The following WDR47 variants were observed in gnomAD, a reference collection of about 807,000 sequenced individuals.
The protein encoded by WDR47 is WD repeat domain 47.
WDR47 carries 32 observed loss-of-function variants against 97.2 expected under a neutral mutation model. The observed-to-expected ratio is 0.33, with a 90% CI of 0.25 to 0.44. The LOEUF (loss-of-function observed/expected upper bound fraction) is 0.44. WDR47 is among the 20% of genes least tolerant of loss of function. The probability of loss-of-function intolerance (pLI) is 1.00; values close to 1 mark genes in which losing one functional copy is unlikely to be tolerated. For missense variants in WDR47, 782 were observed against 1,102.3 expected (o/e 0.71, Z 4.11); for synonymous variants, 375 against 373.5 (o/e 1.00, Z -0.05).
At chr1:108,998,496 C>T (rs572327007) in intron 7 of WDR47, among the ~76,000 whole-genome samples, 2 of 151,308 alleles carry the variant, frequency 1.3e-5, no homozygotes, top group Admixed American at 6.6e-5. Context: ...AGCAAGACTC[C>T]GCCTCAAAAA....
intron 1 of WDR47, among the ~76,000 whole-genome samples, chr1:109,028,371 T>TTTTTG (rs1662370158): frequency 7.4e-6 from 1 of 135,456 alleles, no homozygotes; most frequent in Non-Finnish European, 1.6e-5. Flanking sequence ...GGTTTTTTTT[T>TTTTTG]TTTTTTTTTT....
chr1:109,011,452 T>A lies in WDR47; in HGVS notation c.594A>T (p.Val198=). The change falls in exon 5 of 15, where the codon GTA becomes GTT. Residue 198 remains valine (V), a synonymous_variant. Transcript: ENST00000369962. ...KASNNRLFQL[V]MKGLLYECCV... ...AGCATTCATAAAGCAGGCCTTTCATTACAAGCTGAAATAAACGATTGTTAC... is the reference window on the plus strand; with the variant it reads ...AGCATTCATAAAGCAGGCCTTTCATAACAAGCTGAAATAAACGATTGTTAC... 3 of 1,614,208 alleles carry A rather than the reference T, an allele frequency of 1.9e-6. No homozygotes were observed. Among genetic ancestry groups the A allele is most frequent in the Non-Finnish European group, 2.5e-6 (3 of 1,180,040 alleles).
chr1:108,994,647 A>T (rs1220348270), intron 8 of WDR47, among the ~76,000 whole-genome samples: 2 of 152,138 alleles, frequency 1.3e-5, no homozygotes, highest in Non-Finnish European at 2.9e-5. Context: ...CCAATAAGAA[A>T]TAAAACCATG....
intron 6 of WDR47, among the ~76,000 whole-genome samples, chr1:109,002,832 A>G (rs902791429): frequency 6.6e-6 from 1 of 152,212 alleles, no homozygotes; most frequent in Non-Finnish European, 1.5e-5. Flanking sequence ...ACTAAAAAAC[A>G]ATAGATGTTG....
At chr1:109,038,994 T>TA (rs775414189) in intron 1 of WDR47, among the ~76,000 whole-genome samples, 2 of 139,584 alleles carry the variant, frequency 1.4e-5, no homozygotes, top group East Asian at 1.9e-4. Context: ...ATAACAATAA[T>TA]AATAAATAAA....
chr1:109,009,228 A>C (rs1660858547), intron 5 of WDR47, among the ~76,000 whole-genome samples: 1 of 152,236 alleles, frequency 6.6e-6, no homozygotes, highest in Non-Finnish European at 1.5e-5. Flanking sequence ...AATTTATTGA[A>C]GTCAACACTA....
Position 108,970,805 on chromosome 1 carries a change from G to C in WDR47, c.*625C>G, listed in dbSNP as rs1339145427. 1.3e-5 allele frequency: 2 copies of C among 152,244 alleles called. No homozygotes were observed. Among genetic ancestry groups the C allele is most frequent in the South Asian group, 2.1e-4 (1 of 4,820 alleles). 9.4% of individuals were successfully genotyped at this position (152,244 alleles called of 1,614,324 possible). Reference sequence around the variant, plus strand: ...ATATGACAAAATAATCATATCCCTGGGTTTAAGAAAAAAGGGCCTATACCA... The same window carrying C: ...ATATGACAAAATAATCATATCCCTGCGTTTAAGAAAAAAGGGCCTATACCA... On this transcript the variant is annotated 3_prime_UTR_variant, in exon 15 of 15. Transcript: ENST00000369962.
intron 9 of WDR47, among the ~76,000 whole-genome samples, chr1:108,988,506 C>T (rs1557923862): frequency 6.6e-6 from 1 of 151,086 alleles, no homozygotes; most frequent in African/African-American, 2.4e-5. Flanking sequence ...CCCATCTCTA[C>T]CAAAAAAAAG....
intron 7 of WDR47, among the ~76,000 whole-genome samples, chr1:109,000,116 CAGG>C (rs1292331297): frequency 6.6e-6 from 1 of 152,056 alleles, no homozygotes; most frequent in African/African-American, 2.4e-5. Context: ...GAGACTGAGG[CAGG>C]AGGACTACTT....
At chr1:109,000,228 A>C (rs2101896086) in intron 7 of WDR47, among the ~76,000 whole-genome samples, 1 of 152,052 alleles carries the variant, frequency 6.6e-6, no homozygotes, top group East Asian at 1.9e-4. Flanking sequence ...AAAAACAAAA[A>C]GGGCAGGCGC....
intron 1 of WDR47, among the ~76,000 whole-genome samples, chr1:109,028,477 C>T (rs1262257537): frequency 1.4e-5 from 2 of 143,964 alleles, no homozygotes; most frequent in East Asian, 4.4e-4. Context: ...CTCCAAAGTG[C>T]TGGGATTACA....
chr1:108,998,972 T>A (rs781133850), intron 7 of WDR47, among the ~76,000 whole-genome samples: 1 of 152,174 alleles, frequency 6.6e-6, no homozygotes, highest in Non-Finnish European at 1.5e-5. Flanking sequence ...GAGCCTGTAA[T>A]CCCAGCACTT....
At chr1:108,979,787 A>G (rs1279664235) in intron 13 of WDR47, among the ~76,000 whole-genome samples, 1 of 152,196 alleles carries the variant, frequency 6.6e-6, no homozygotes, top group Non-Finnish European at 1.5e-5. Context: ...CATTGTTTAC[A>G]TTATTTTAAC....
intron 1 of WDR47, among the ~76,000 whole-genome samples, chr1:109,029,713 ATTTTTT>A (rs1307697067): frequency 7.0e-6 from 1 of 142,526 alleles, no homozygotes; most frequent in African/African-American, 2.6e-5. Flanking sequence ...ATAAATAAAT[ATTTTTT>A]TAAAAAAATT....
At chr1:108,975,599 C>T (rs188424039) in intron 13 of WDR47, among the ~76,000 whole-genome samples, 1,560 of 150,266 alleles carry the variant, frequency 0.01, 10 homozygotes, top group Non-Finnish European at 0.017. Context: ...CCAACCTGGG[C>T]GACAGAGCGA....
chr1:109,030,433 C>T, intron 1 of WDR47: 1 of 339,986 alleles, frequency 2.9e-6, no homozygotes, highest in Admixed American at 4.6e-5. Context: ...AATGCGGTTA[C>T]TTAAACACAC....
intron 8 of WDR47, chr1:108,992,208 AAAGACC>A: frequency 1.3e-6 from 1 of 772,902 alleles, no homozygotes; most frequent in Non-Finnish European, 2.3e-6. Context: ...AGATAATAAG[AAAGACC>A]TCTTAGAAAA....
At chr1:108,979,922 C>A (rs1479191014) in intron 13 of WDR47, among the ~76,000 whole-genome samples, 3 of 152,192 alleles carry the variant, frequency 2.0e-5, no homozygotes, top group Non-Finnish European at 4.4e-5. Context: ...GGCCACACAG[C>A]ACGAGGTGAG....
chr1:109,020,497 C>T (rs1486269235), intron 2 of WDR47, among the ~76,000 whole-genome samples: 8 of 152,064 alleles, frequency 5.3e-5, no homozygotes, highest in East Asian at 1.9e-4. Flanking sequence ...CTCCTGACCT[C>T]GTGATCCACC....
Sources: gnomAD v4.1 joint callset for allele counts (sites outside exome capture counted in the v4.1 genomes callset) on GRCh38, gnomAD v4.1.1 for gene constraint, MANE v1.5 for transcripts, NCBI Gene and HGNC (gene_info 2026-07-23, HGNC 2026-07-21) for gene names.